The following OSBPL3 variants were observed in gnomAD, a reference collection of about 807,000 sequenced individuals.
OSBPL3 encodes the protein oxysterol binding protein like 3, also known as oxysterol-binding protein-related protein 3.
Under a neutral mutation model 120.1 loss-of-function variants are expected in OSBPL3, and 65 were observed. The observed-to-expected ratio is 0.54, with a 90% CI of 0.44 to 0.67. The LOEUF is 0.67. Ranked by LOEUF, OSBPL3 falls within the 30% of genes least tolerant of loss-of-function variation. The pLI is 0.00. For synonymous variants in OSBPL3, 416 were observed against 402.6 expected, an observed-to-expected ratio of 1.03 and a Z score of -0.40; for missense variants, 1,004 against 1,082.1, an observed-to-expected ratio of 0.93 and a Z score of 1.01.
rs1814992674 is a variant in OSBPL3 at position 24,955,926 on chromosome 7, C to T, written c.-150+23960G>A. ...TCACTGATCTTTCAGATCTTTTTCA[C>T]TCAAACTAGTTCTTGGTCCTGCTGA... On this transcript the variant is annotated intron_variant, in intron 1 of 22. Coordinates refer to ENST00000313367, the MANE Select transcript of OSBPL3 (RefSeq NM_015550.4). This position sits in a 1 kb window ranked among gnomAD's most constrained non-coding sequence, Gnocchi z 4.3. Among the ~76,000 whole-genome samples the T allele has an allele frequency of 6.6e-6, 1 of 152,258 alleles. No individual in the cohort carries two copies. The highest frequency in any genetic ancestry group is 2.4e-5 in the African/African-American group (1 of 41,468).
At chr7:24,857,752 AAAT>A (rs967514009) in intron 10 of OSBPL3, among the ~76,000 whole-genome samples, 1 of 152,224 alleles carries the variant, frequency 6.6e-6, no homozygotes, top group African/African-American at 2.4e-5. Context: ...GAAGATTCCC[AAAT>A]AATATTGAAA....
At chr7:24,882,172 C>G (rs1803784704) in intron 2 of OSBPL3, among the ~76,000 whole-genome samples, 1 of 152,096 alleles carries the variant, frequency 6.6e-6, no homozygotes, top group Non-Finnish European at 1.5e-5. Flanking sequence ...ACACAGTTTG[C>G]ATAGTGGTCA....
At position 24,879,409 on chromosome 7, in the gene OSBPL3, C is replaced by T. The variant is rs773878185; in HGVS notation, c.97-7340G>A. The stretch of plus-strand genomic sequence containing the variant: ...AGTCATCACCCGCCACCGTCACCAT[C>T]CCTTCTTTCCCTTCACACACAGATG... On this transcript the variant is annotated intron_variant, in intron 2 of 22. Coordinates refer to ENST00000313367, the MANE Select transcript of OSBPL3 (RefSeq NM_015550.4). The surrounding 1 kb of genome is among the most constrained non-coding windows in gnomAD (Gnocchi z 5.6). Among the ~76,000 whole-genome samples the T allele has an allele frequency of 6.6e-6, 1 of 152,194 alleles. No homozygotes were observed. Among genetic ancestry groups the T allele is most frequent in the African/African-American group, 2.4e-5 (1 of 41,446 alleles).
At chr7:24,911,834 T>C (rs534558341) in intron 1 of OSBPL3, among the ~76,000 whole-genome samples, 9 of 152,194 alleles carry the variant, frequency 5.9e-5, no homozygotes, top group South Asian at 2.1e-4. Flanking sequence ...TTTAAACTAG[T>C]GCAAACTGGA....
chr7:24,861,609 T>C lies in OSBPL3; in HGVS notation c.1027+4A>G. The C allele has an allele frequency of 6.3e-7, 1 of 1,576,012 alleles. No individual in the cohort carries two copies. The highest frequency in any genetic ancestry group is 1.2e-5 in the South Asian group (1 of 85,112). ...CACATTAGGAAGAAAGAAAACTCATTTACCTTTATGGGCAATATGACACAG... is the reference window on the plus strand; with the variant it reads ...CACATTAGGAAGAAAGAAAACTCATCTACCTTTATGGGCAATATGACACAG... On this transcript the variant is annotated splice_donor_region_variant and intron_variant, in intron 10 of 22. Transcript: ENST00000313367.
chr7:24,892,305 A>T (rs891517580), intron 2 of OSBPL3, 72 bp downstream of exon 2: 6 of 1,484,068 alleles, frequency 4.0e-6, no homozygotes, highest in Admixed American at 1.8e-5. Flanking sequence ...TCCCAAGTAA[A>T]TGTGTGCATT....
At chr7:24,950,965 T>C (rs1584716130) in intron 1 of OSBPL3, among the ~76,000 whole-genome samples, 1 of 152,198 alleles carries the variant, frequency 6.6e-6, no homozygotes, top group Admixed American at 6.5e-5. Context: ...ATATTTTATA[T>C]AAAGCTAAGC....
chr7:24,816,536 G>T (rs1794492467), intron 18 of OSBPL3, 74 bp downstream of exon 18: 1 of 926,836 alleles, frequency 1.1e-6, no homozygotes, highest in Non-Finnish European at 1.8e-6. Flanking sequence ...GGGCGGGGGT[G>T]GGCATCCTGT....
chr7:24,905,175 A>G (rs934367909), intron 1 of OSBPL3, among the ~76,000 whole-genome samples: 1 of 145,460 alleles, frequency 6.9e-6, no homozygotes, highest in African/African-American at 2.4e-5. Flanking sequence ...CTCTTCACAA[A>G]GCATCGGGGG....
At chr7:24,868,667 A>C (rs1278992318) in intron 5 of OSBPL3, among the ~76,000 whole-genome samples, 1 of 152,198 alleles carries the variant, frequency 6.6e-6, no homozygotes, top group African/African-American at 2.4e-5. Flanking sequence ...AAGCACCTGC[A>C]GGGGCTTTTT....
In OSBPL3 at chr7:24,899,153, C is replaced by G. The variant is rs552779447; in HGVS notation, c.-149-6532G>C. 1.3e-5 allele frequency among the ~76,000 whole-genome samples: 2 copies of G among 152,220 alleles called. No individual in the cohort carries two copies. Among genetic ancestry groups the G allele is most frequent in the Admixed American group, 6.5e-5 (1 of 15,290 alleles). On this transcript the variant is annotated intron_variant, in intron 1 of 22. Transcript: ENST00000313367. This position sits in a 1 kb window ranked among gnomAD's most constrained non-coding sequence, Gnocchi z 4.0. ...ACATGGATCAAGAGCCCTTGTGATC[C>G]CAGATGTTCAACTTTGATCACCCTT...
At chr7:24,974,137 T>C (rs969366371) in intron 1 of OSBPL3, among the ~76,000 whole-genome samples, 1 of 152,262 alleles carries the variant, frequency 6.6e-6, no homozygotes, top group Admixed American at 6.5e-5. Flanking sequence ...ACTAGCCACA[T>C]TTTAAAGGCT....
At chr7:24,925,881 T>C (rs1584640381) in intron 1 of OSBPL3, among the ~76,000 whole-genome samples, 1 of 152,374 alleles carries the variant, frequency 6.6e-6, no homozygotes, top group Non-Finnish European at 1.5e-5. Context: ...TTGAACAGAA[T>C]AGCAGTTTTA....
intron 1 of OSBPL3, among the ~76,000 whole-genome samples, chr7:24,893,021 T>C (rs898416466): frequency 1.3e-5 from 2 of 152,220 alleles, no homozygotes; most frequent in Non-Finnish European, 2.9e-5. Context: ...CTGGTGGAAC[T>C]GTAAAATGGC....
chr7:24,934,180 T>G (rs1339278902), intron 1 of OSBPL3, among the ~76,000 whole-genome samples: 1 of 152,226 alleles, frequency 6.6e-6, no homozygotes, highest in Non-Finnish European at 1.5e-5. Flanking sequence ...CTCAACAAAT[T>G]TTTATTCAAA....
In OSBPL3 at chr7:24,866,250, C is replaced by T. The variant is rs747451366; in HGVS notation, c.382-13G>A. Reference sequence around the variant, plus strand: ...CTTCTGACTTGACCTATAATATATTCGATTGAAAAAAGGAAACAAGAGAAT... The same window carrying T: ...CTTCTGACTTGACCTATAATATATTTGATTGAAAAAAGGAAACAAGAGAAT... On this transcript the variant is annotated splice_polypyrimidine_tract_variant and intron_variant, in intron 5 of 22. Coordinates refer to ENST00000313367, the MANE Select transcript of OSBPL3 (RefSeq NM_015550.4). The T allele has an allele frequency of 1.1e-5, 17 of 1,584,414 alleles. No homozygotes were observed. Among genetic ancestry groups the T allele is most frequent in the Admixed American group, 8.5e-5 (5 of 58,546 alleles).
rs1794646206 is a variant in OSBPL3 at position 24,817,751 on chromosome 7, A to AT, written c.1949-1064_1949-1063insA. ...AAACGGGATGAAGGGAACCAAGACA[A>AT]CAGACGCGGGGAAGTGAGTGAGCCC... On this transcript the variant is annotated intron_variant, in intron 17 of 22. Transcript: ENST00000313367. The surrounding 1 kb of genome is among the most constrained non-coding windows in gnomAD (Gnocchi z 4.0). Among the ~76,000 whole-genome samples the AT allele has an allele frequency of 6.6e-6, 1 of 152,252 alleles. No individual in the cohort carries two copies. The highest frequency in any genetic ancestry group is 1.5e-5 in the Non-Finnish European group (1 of 68,036).
chr7:24,954,254 T>G lies in OSBPL3; in HGVS notation c.-150+25632A>C, dbSNP rs182304742. Among the ~76,000 whole-genome samples, 302 of 152,318 alleles carry G rather than the reference T, an allele frequency of 2.0e-3. 2 individuals are homozygous for G. The highest frequency in any genetic ancestry group is 3.4e-3 in the Non-Finnish European group (231 of 68,020). On this transcript the variant is annotated intron_variant, in intron 1 of 22. Coordinates refer to ENST00000313367, the MANE Select transcript of OSBPL3 (RefSeq NM_015550.4). The stretch of plus-strand genomic sequence containing the variant: ...TTTTTTCTTTTTGCATATTAAGGTA[T>G]TTTTAGACGTGAAGTTATTTATTCT...
chr7:24,897,526 C>T (rs111333812), intron 1 of OSBPL3, among the ~76,000 whole-genome samples: 5,291 of 151,734 alleles, frequency 0.035, 118 homozygotes, highest in Non-Finnish European at 0.054. Context: ...GGGGTTTCAC[C>T]GTGTTAGCCA....
Sources: gnomAD v4.1 joint callset for allele counts (sites outside exome capture counted in the v4.1 genomes callset) on GRCh38, gnomAD v4.1.1 for gene constraint, Gnocchi (gnomAD v3.1) non-coding constraint, MANE v1.5 for transcripts, NCBI Gene and HGNC (gene_info 2026-07-23, HGNC 2026-07-21) for gene names.